Variants in TTLL5 observed in about 807,000 individuals in gnomAD.
The protein encoded by TTLL5 is tubulin tyrosine ligase like 5, also known as tubulin polyglutamylase TTLL5.
Under a neutral mutation model 168.4 loss-of-function variants are expected in TTLL5, and 132 were observed. The ratio of observed to expected loss-of-function variants is 0.78; its 90% CI spans 0.68 to 0.91. The LOEUF is 0.91. Ranked by LOEUF, TTLL5 falls within the 40% of genes least tolerant of loss-of-function variation. The pLI, the probability that TTLL5 is intolerant of heterozygous loss-of-function variation, is 0.00. For missense variants in TTLL5, 1,545 were observed against 1,581.5 expected (o/e 0.98, Z 0.39); for synonymous variants, 546 against 558.6 (o/e 0.98, Z 0.32).
chr14:75,668,352 A>G (rs1273364465), intron 2 of TTLL5, among the ~76,000 whole-genome samples: 2 of 152,228 alleles, frequency 1.3e-5, no homozygotes. Flanking sequence ...ATATGACCTT[A>G]GGCAGGTTAC....
intron 29 of TTLL5, among the ~76,000 whole-genome samples, chr14:75,881,001 C>T (rs1020025082): frequency 6.6e-6 from 1 of 151,996 alleles, no homozygotes; most frequent in Non-Finnish European, 1.5e-5. Flanking sequence ...GCAACCTTCA[C>T]CTCCCTGGCT....
At chr14:75,860,174 C>T (rs774933274) in intron 28 of TTLL5, among the ~76,000 whole-genome samples, 1 of 152,152 alleles carries the variant, frequency 6.6e-6, no homozygotes, top group Non-Finnish European at 1.5e-5. Flanking sequence ...CTTTCTTATC[C>T]ATAATTCCTT....
At chr14:75,758,632 C>T (rs1890431951) in intron 18 of TTLL5, among the ~76,000 whole-genome samples, 1 of 152,090 alleles carries the variant, frequency 6.6e-6, no homozygotes, top group Non-Finnish European at 1.5e-5. Context: ...TGCAAGCTGG[C>T]ATATGATAGA....
intron 28 of TTLL5, among the ~76,000 whole-genome samples, chr14:75,855,834 G>A (rs907400218): frequency 1.2e-4 from 19 of 152,118 alleles, no homozygotes; most frequent in Non-Finnish European, 2.6e-4. Flanking sequence ...TCTTTAGAGC[G>A]ACATAATACA....
At chr14:75,943,695 G>T (rs1031326053) in intron 31 of TTLL5, among the ~76,000 whole-genome samples, 1 of 152,090 alleles carries the variant, frequency 6.6e-6, no homozygotes, top group Non-Finnish European at 1.5e-5. Context: ...AACAAATAAA[G>T]AAACATGGCA....
intron 29 of TTLL5, 72 bp downstream of exon 29, chr14:75,863,934 A>AAAAAAAAAAAAAAT: frequency 7.9e-7 from 1 of 1,266,296 alleles, no homozygotes. Context: ...AAAAAAAAAA[A>AAAAAAAAAAAAAAT]GGTCAGTGAA....
intron 12 of TTLL5, 122 bp from the exon 13 acceptor site, chr14:75,732,216 A>G: frequency 1.5e-6 from 1 of 660,270 alleles, no homozygotes; most frequent in East Asian, 3.0e-5. Context: ...TTCTACTTCC[A>G]CTTGCTACTT....
intron 20 of TTLL5, among the ~76,000 whole-genome samples, chr14:75,769,605 A>G (rs1160182409): frequency 6.6e-6 from 1 of 151,566 alleles, no homozygotes; most frequent in East Asian, 1.9e-4. Flanking sequence ...ACTTATGAGC[A>G]ATAATCCCCT....
intron 18 of TTLL5, among the ~76,000 whole-genome samples, chr14:75,760,720 C>T (rs1488231451): frequency 1.3e-5 from 2 of 152,034 alleles, no homozygotes; most frequent in Non-Finnish European, 2.9e-5. Context: ...AACTGAATAT[C>T]GTATTTTTAA....
chr14:75,819,044 T>C (rs148417212), intron 27 of TTLL5, among the ~76,000 whole-genome samples: 1 of 152,326 alleles, frequency 6.6e-6, no homozygotes, highest in East Asian at 1.9e-4. Context: ...GTTTCTTTCT[T>C]GTAAAATGAG....
At chr14:75,781,690 C>T (rs913404703) in intron 24 of TTLL5, among the ~76,000 whole-genome samples, 1 of 152,132 alleles carries the variant, frequency 6.6e-6, no homozygotes, top group African/African-American at 2.4e-5. Flanking sequence ...CATGGTGGCT[C>T]ACGCCTGTAA....
chr14:75,903,245 AC>A (rs972489677), intron 31 of TTLL5, among the ~76,000 whole-genome samples: 3 of 152,140 alleles, frequency 2.0e-5, no homozygotes, highest in Admixed American at 6.6e-5. Context: ...GGGACTGGGA[AC>A]GGCTTCCTAG....
At chr14:75,909,552 C>G (rs1362269789) in intron 31 of TTLL5, among the ~76,000 whole-genome samples, 1 of 152,086 alleles carries the variant, frequency 6.6e-6, no homozygotes, top group Non-Finnish European at 1.5e-5. Context: ...ATAAACGATA[C>G]CTTCCTTCGG....
Position 75,714,906 on chromosome 14 carries a change from A to C in TTLL5, c.741-2955A>C, listed in dbSNP as rs182123019. On this transcript the variant is annotated intron_variant, in intron 9 of 31. Coordinates refer to ENST00000298832, the MANE Select transcript of TTLL5 (RefSeq NM_015072.5). ...AGCAGAGTTAGGAAATTATGTATTTATGTACATATACACTTGTACATCTGT... is the reference window on the plus strand; with the variant it reads ...AGCAGAGTTAGGAAATTATGTATTTCTGTACATATACACTTGTACATCTGT... 6.6e-5 allele frequency among the ~76,000 whole-genome samples: 10 copies of C among 152,316 alleles called. No homozygotes were observed. The East Asian group carries it at 1.9e-3, about 29-fold the overall frequency.
chr14:75,756,156 A>T (rs1594977702), intron 18 of TTLL5, among the ~76,000 whole-genome samples: 1 of 152,222 alleles, frequency 6.6e-6, no homozygotes, highest in East Asian at 1.9e-4. Flanking sequence ...GGACATTAAC[A>T]TGGATAGAAA....
At position 75,792,905 on chromosome 14, in the gene TTLL5, C is replaced by T. The variant is rs377468714; in HGVS notation, c.2987-11C>T. On this transcript the variant is annotated splice_polypyrimidine_tract_variant and intron_variant, in intron 26 of 31. Transcript: ENST00000298832. The stretch of plus-strand genomic sequence containing the variant: ...TCCTAAATGAGTGAAAACTTTTCTC[C>T]GTTTTAGCAGGATCGTGCTATCTAA... 34 of 1,521,574 alleles carry T rather than the reference C, an allele frequency of 2.2e-5. No homozygotes were observed. The highest frequency in any genetic ancestry group is 1.8e-4 in the South Asian group (14 of 75,826). The allele number at this position is 1,521,574 out of a possible 1,614,324, so 94.3% of individuals were successfully genotyped here.
At chr14:75,949,077 G>A (rs1233388027) in intron 31 of TTLL5, among the ~76,000 whole-genome samples, 1 of 151,974 alleles carries the variant, frequency 6.6e-6, no homozygotes, top group Non-Finnish European at 1.5e-5. Context: ...AAGGGAGGAG[G>A]CAGATCTGTC....
rs146990634 is a variant in TTLL5 at position 75,947,265 on chromosome 14, A to G, written c.3824-7159A>G. 5.4e-4 allele frequency among the ~76,000 whole-genome samples: 82 copies of G among 152,370 alleles called. 1 individual carries two copies. The highest frequency in any genetic ancestry group is 1.8e-3 in the African/African-American group (76 of 41,598). Reference sequence around the variant, plus strand: ...GGCTATTAAAACAAGAAAATCTTACATAGGCATATATAAAGGATCAAAGAA... The same window carrying G: ...GGCTATTAAAACAAGAAAATCTTACGTAGGCATATATAAAGGATCAAAGAA... On this transcript the variant is annotated intron_variant, in intron 31 of 31. Coordinates refer to ENST00000298832, the MANE Select transcript of TTLL5 (RefSeq NM_015072.5).
chr14:75,873,866 C>A (rs905202149), intron 29 of TTLL5, among the ~76,000 whole-genome samples: 3 of 151,970 alleles, frequency 2.0e-5, no homozygotes, highest in Non-Finnish European at 4.4e-5. Flanking sequence ...CTTAAACCTT[C>A]CGGGCCAGAA....
Sources: allele counts gnomAD v4.1 joint callset (sites outside exome capture counted in the v4.1 genomes callset), GRCh38; gene constraint gnomAD v4.1.1; transcripts MANE v1.5; gene names NCBI Gene and HGNC (gene_info 2026-07-23, HGNC 2026-07-21).